Variants in PXDN observed in about 807,000 individuals in gnomAD.
PXDN encodes the protein peroxidasin.
PXDN carries 77 observed loss-of-function variants against 140.3 expected under a neutral mutation model. The observed-to-expected ratio is 0.55, with a 90% confidence interval of 0.46 to 0.66. The LOEUF (loss-of-function observed/expected upper bound fraction) is 0.66, where lower values mean the gene tolerates loss of function less well. Ranked by LOEUF, PXDN falls within the 30% of genes least tolerant of loss-of-function variation. The pLI is 0.00. For synonymous variants in PXDN, 911 were observed against 857.4 expected (o/e 1.06, Z -1.09); for missense variants, 1,838 against 2,039.5 (o/e 0.90, Z 1.90).
chr2:1,703,560 T>G (rs1572173513), intron 1 of PXDN, among the ~76,000 whole-genome samples: 1 of 16,770 alleles, frequency 6.0e-5, no homozygotes, highest in Non-Finnish European at 9.8e-5. Flanking sequence ...CAGCTCCAGG[T>G]GAAGGTGGGG....
intron 8 of PXDN, among the ~76,000 whole-genome samples, chr2:1,675,270 G>A (rs548207636): frequency 2.6e-5 from 4 of 152,292 alleles, no homozygotes; most frequent in African/African-American, 9.6e-5. Flanking sequence ...CTGGTGGAGG[G>A]CAGAGCCCAG....
intron 1 of PXDN, among the ~76,000 whole-genome samples, chr2:1,704,931 C>T (rs1435110801): frequency 2.0e-5 from 3 of 152,064 alleles, no homozygotes; most frequent in African/African-American, 7.2e-5. Flanking sequence ...ACCATTATCA[C>T]ATGACATTAA....
intron 6 of PXDN, among the ~76,000 whole-genome samples, chr2:1,680,650 C>G (rs529036178): frequency 6.6e-6 from 1 of 152,128 alleles, no homozygotes. Flanking sequence ...ACCCAGGCAT[C>G]GGGTGTCGAG....
chr2:1,737,104 G>T (rs539493452), intron 1 of PXDN, among the ~76,000 whole-genome samples: 1 of 152,304 alleles, frequency 6.6e-6, no homozygotes, highest in Non-Finnish European at 1.5e-5. Context: ...CATCTGGACA[G>T]GAGCAGGGCA....
In PXDN at chr2:1,663,609, G is replaced by A. The variant is rs200397572; in HGVS notation, c.1563C>T (p.Pro521=). ...QKVVAHLTVQ[P]RVTPVFASIP... ...CCACAACCTCCTGGCACCTACCTCT[G>A]GGCTGCACAGTCAGGTGGGCCACGA... Residue 521 remains proline (P), a synonymous_variant, in exon 12 of 23, where the codon CCC becomes CCT. Transcript: ENST00000252804. 1 of 1,613,946 alleles carries A rather than the reference G, an allele frequency of 6.2e-7. No homozygotes were observed. Among genetic ancestry groups the A allele is most frequent in the Non-Finnish European group, 8.5e-7 (1 of 1,179,892 alleles).
chr2:1,714,582 G>A lies in PXDN; in HGVS notation c.201-21448C>T, dbSNP rs1684854689. Among the ~76,000 whole-genome samples, 1 of 152,172 alleles carries A rather than the reference G, an allele frequency of 6.6e-6. No homozygotes were observed. Among genetic ancestry groups the A allele is most frequent in the East Asian group, 1.9e-4 (1 of 5,176 alleles). On this transcript the variant is annotated intron_variant, in intron 1 of 22. Transcript: ENST00000252804. The surrounding 1 kb of genome is among the most constrained non-coding windows in gnomAD (Gnocchi z 4.3). Reference sequence around the variant, plus strand: ...GCCAGGTGGGGACATCTTTGCTTGAGGTGCAGATCCTGGCCTTGCAGCTCC... The same window carrying A: ...GCCAGGTGGGGACATCTTTGCTTGAAGTGCAGATCCTGGCCTTGCAGCTCC...
chr2:1,685,193 G>T lies in PXDN; in HGVS notation c.417-1042C>A, dbSNP rs754672655. On this transcript the variant is annotated intron_variant, in intron 4 of 22. Transcript: ENST00000252804. This position sits in a 1 kb window ranked among gnomAD's most constrained non-coding sequence, Gnocchi z 5.1. Reference sequence around the variant, plus strand: ...ACACAGGCCACACTGAGTCTCTGCGGACACCTGCAGCCGGAGGGCCCCCAA... The same window carrying T: ...ACACAGGCCACACTGAGTCTCTGCGTACACCTGCAGCCGGAGGGCCCCCAA... Among the ~76,000 whole-genome samples, 1 of 152,228 alleles carries T rather than the reference G, an allele frequency of 6.6e-6. No individual in the cohort carries two copies. The highest frequency in any genetic ancestry group is 6.5e-5 in the Admixed American group (1 of 15,282).
intron 1 of PXDN, among the ~76,000 whole-genome samples, chr2:1,716,440 G>GAAAAAAAAAAAAAA (rs550784477): frequency 1.7e-5 from 1 of 58,228 alleles, no homozygotes; most frequent in East Asian, 5.6e-4. Context: ...TCCATCTCAG[G>GAAAAAAAAAAAAAA]AAAAAAAAAA....
chr2:1,640,692 AT>A (rs1682705053), intron 19 of PXDN, among the ~76,000 whole-genome samples: 1 of 152,208 alleles, frequency 6.6e-6, no homozygotes, highest in Admixed American at 6.5e-5. Flanking sequence ...CAAATACATC[AT>A]AAAACAGCAG....
At position 1,691,011 on chromosome 2, in the gene PXDN, C is replaced by T. The variant is rs150099075; in HGVS notation, c.344+917G>A. ...CATGTGGAGTGTAAAACCTAGATGACGGGTTGATGGGTGCAGCAAAGCACC... is the reference window on the plus strand; with the variant it reads ...CATGTGGAGTGTAAAACCTAGATGATGGGTTGATGGGTGCAGCAAAGCACC... On this transcript the variant is annotated intron_variant, in intron 3 of 22. Transcript: ENST00000252804. Among the ~76,000 whole-genome samples the T allele has an allele frequency of 2.0e-4, 31 of 152,238 alleles. No individual in the cohort carries two copies. In the East Asian group the frequency reaches 4.4e-3, roughly 22 times the overall value.
At chr2:1,668,117 A>G (rs372269768) in intron 9 of PXDN, among the ~76,000 whole-genome samples, 1 of 152,202 alleles carries the variant, frequency 6.6e-6, no homozygotes, top group South Asian at 2.1e-4. Flanking sequence ...TAGACAATAG[A>G]ACAGAACAGA....
At chr2:1,701,862 T>G (rs192089299) in intron 1 of PXDN, among the ~76,000 whole-genome samples, 1 of 152,142 alleles carries the variant, frequency 6.6e-6, no homozygotes, top group Non-Finnish European at 1.5e-5. Context: ...TCTTGTCCTG[T>G]CCACAATGTG....
chr2:1,636,897 G>C (rs1682574361), intron 21 of PXDN: 1 of 152,118 alleles, frequency 6.6e-6, no homozygotes, highest in South Asian at 2.1e-4. Context: ...CAAGATACAC[G>C]AACACCTCTG....
chr2:1,709,316 T>C (rs777234664), intron 1 of PXDN, among the ~76,000 whole-genome samples: 6 of 152,136 alleles, frequency 3.9e-5, no homozygotes, highest in Non-Finnish European at 8.8e-5. Context: ...TAGCTATGGC[T>C]GCAGGGTCAG....
intron 1 of PXDN, among the ~76,000 whole-genome samples, chr2:1,694,045 T>G (rs1684243671): frequency 6.6e-6 from 1 of 152,210 alleles, no homozygotes; most frequent in Non-Finnish European, 1.5e-5. Context: ...TGAACAGGTA[T>G]AGAAACCACT....
chr2:1,673,921 G>T, intron 8 of PXDN, 109 bp from the exon 9 acceptor site: 2 of 1,215,148 alleles, frequency 1.6e-6, no homozygotes. Context: ...ACTTGTGCGA[G>T]GAACAGCTCA....
chr2:1,653,510 C>T, intron 16 of PXDN, 118 bp downstream of exon 16: 1 of 1,373,228 alleles, frequency 7.3e-7, no homozygotes, highest in Non-Finnish European at 1.0e-6. Context: ...TTTCACAGTT[C>T]ATAAGCACAG....
In PXDN at chr2:1,635,389, T is replaced by C. The variant is rs769890449; in HGVS notation, c.4320+19A>G. On this transcript the variant is annotated intron_variant, in intron 22 of 22. Coordinates refer to ENST00000252804, the MANE Select transcript of PXDN (RefSeq NM_012293.3). ...TTGCGTATACCTTAGGACATGAAGATAGAGCCCCCCATACTCACTTTGCAT... is the reference window on the plus strand; with the variant it reads ...TTGCGTATACCTTAGGACATGAAGACAGAGCCCCCCATACTCACTTTGCAT... 4.5e-6 allele frequency: 7 copies of C among 1,553,732 alleles called. No homozygotes were observed. The highest frequency in any genetic ancestry group is 6.1e-6 in the Non-Finnish European group (7 of 1,145,108).
At chr2:1,677,327 G>A (rs142324724) in intron 7 of PXDN, among the ~76,000 whole-genome samples, 115 of 152,348 alleles carry the variant, frequency 7.5e-4, no homozygotes, top group East Asian at 2.7e-3. Flanking sequence ...AGCCTTCGGC[G>A]TCCCCTCGAG....
Sources: gnomAD v4.1 joint callset for allele counts (sites outside exome capture counted in the v4.1 genomes callset) on GRCh38, gnomAD v4.1.1 for gene constraint, Gnocchi (gnomAD v3.1) non-coding constraint, MANE v1.5 for transcripts, NCBI Gene and HGNC (gene_info 2026-07-23, HGNC 2026-07-21) for gene names.